Variants in DERA observed in about 807,000 individuals in gnomAD.
The protein encoded by DERA is 2-deoxy-D-ribose 5-phosphate aldolase.
In DERA, 15 loss-of-function variants were observed where a neutral mutation model predicts 41.1. That is an observed-to-expected ratio of 0.37 (90% CI 0.24 to 0.56). DERA has a LOEUF of 0.56. DERA is among the 20% of genes least tolerant of loss of function. The pLI, the probability that DERA is intolerant of heterozygous loss-of-function variation, is 0.81. For synonymous variants in DERA, 139 were observed against 137.4 expected, an observed-to-expected ratio of 1.01 and a Z score of -0.08; for missense variants, 396 against 403.4, an observed-to-expected ratio of 0.98 and a Z score of 0.16.
Position 15,984,315 on chromosome 12 carries a change from C to T in DERA, c.637+1879C>T, listed in dbSNP as rs111961545. On this transcript the variant is annotated intron_variant, in intron 6 of 8. Transcript: ENST00000428559. This position sits in a 1 kb window ranked among gnomAD's most constrained non-coding sequence, Gnocchi z 4.5. ...ATACAAATGTGGTATTAGGTCATCA[C>T]GCTTTGGAAGCTGTGTCCCACCCTC... Among the ~76,000 whole-genome samples the T allele has an allele frequency of 2.8e-3, 429 of 152,254 alleles. 5 individuals are homozygous for T. Among genetic ancestry groups the T allele is most frequent in the African/African-American group, 9.7e-3 (405 of 41,548 alleles).
rs1472125409 is a variant in DERA at position 15,959,171 on chromosome 12, GTATT to G, written c.278-653_278-650del. Among the ~76,000 whole-genome samples the G allele has an allele frequency of 1.3e-5, 2 of 152,054 alleles. No homozygotes were observed. The highest frequency in any genetic ancestry group is 2.9e-5 in the Non-Finnish European group (2 of 68,004). Reference sequence around the variant, plus strand: ...TAAACAACTCTACGGCTTTTGAAAAGTATTTATTATGTTTATTTCGTGTTGGCCA... The same window carrying G: ...TAAACAACTCTACGGCTTTTGAAAAGTATTATGTTTATTTCGTGTTGGCCA... On this transcript the variant is annotated intron_variant, in intron 3 of 8. Coordinates refer to ENST00000428559, the MANE Select transcript of DERA (RefSeq NM_015954.4). This position sits in a 1 kb window ranked among gnomAD's most constrained non-coding sequence, Gnocchi z 4.5.
At chr12:15,955,943 T>C (rs1310280880) in intron 1 of DERA, among the ~76,000 whole-genome samples, 14 of 152,296 alleles carry the variant, frequency 9.2e-5, no homozygotes, top group Non-Finnish European at 1.2e-4. Flanking sequence ...TGGAGAGATA[T>C]AGAAGTGAGG....
At chr12:15,948,836 A>G (rs1948472628) in intron 1 of DERA, among the ~76,000 whole-genome samples, 2 of 151,844 alleles carry the variant, frequency 1.3e-5, no homozygotes, top group South Asian at 2.1e-4. Flanking sequence ...GGTTTCATCT[A>G]CCTTTGGTCT....
In DERA at chr12:15,962,927, T is replaced by A. The variant is rs1220764827; in HGVS notation, c.488T>A (p.Val163Glu). The A allele has an allele frequency of 6.2e-7, 1 of 1,605,944 alleles. No individual in the cohort carries two copies. Among genetic ancestry groups the A allele is most frequent in the Admixed American group, 1.7e-5 (1 of 59,034 alleles). Reference protein sequence around the residue: ...EIDVVINRSLVLTGQWEALYD... With the variant: ...EIDVVINRSLELTGQWEALYD... The stretch of plus-strand genomic sequence containing the variant: ...GACGTGGTAATTAACAGAAGCTTGG[T>A]GCTGACAGGCCAGTGGGAAGGTAGG... Residue 163 changes from valine to glutamate, a missense_variant, in exon 5 of 9, where the codon GTG (valine) becomes GAG (glutamate). By Grantham distance (121) the Val-to-Glu change is moderately radical. Coordinates refer to ENST00000428559, the MANE Select transcript of DERA (RefSeq NM_015954.4).
chr12:15,961,919 CT>C (rs1948591011), intron 4 of DERA, among the ~76,000 whole-genome samples: 2 of 151,948 alleles, frequency 1.3e-5, no homozygotes, highest in Admixed American at 6.6e-5. Context: ...AATTTTTATA[CT>C]TTTAGTAGAG....
intron 6 of DERA, among the ~76,000 whole-genome samples, chr12:16,007,169 T>A (rs1272455975): frequency 6.6e-6 from 1 of 150,628 alleles, no homozygotes; most frequent in Non-Finnish European, 1.5e-5. Flanking sequence ...TTTTTGGGGT[T>A]TTTTTGTTTT....
In DERA at chr12:15,989,261, C is replaced by T. The variant is rs1447859522; in HGVS notation, c.637+6825C>T. On this transcript the variant is annotated intron_variant, in intron 6 of 8. Coordinates refer to ENST00000428559, the MANE Select transcript of DERA (RefSeq NM_015954.4). This position sits in a 1 kb window ranked among gnomAD's most constrained non-coding sequence, Gnocchi z 5.2. ...GCCACGCCTCCCCCGCTGCAACTGG[C>T]ATCCCCACGGTGGCTGCTCCAGACA... Among the ~76,000 whole-genome samples, 4 of 152,252 alleles carry T rather than the reference C, an allele frequency of 2.6e-5. No homozygotes were observed. Among genetic ancestry groups the T allele is most frequent in the Non-Finnish European group, 5.9e-5 (4 of 68,044 alleles).
rs1310685851 is a variant in DERA, at chr12:16,035,793, C to T, written c.751-439C>T. Among the ~76,000 whole-genome samples the T allele has an allele frequency of 4.6e-5, 7 of 152,274 alleles. No individual in the cohort carries two copies. Among genetic ancestry groups the T allele is most frequent in the South Asian group, 4.1e-4 (2 of 4,820 alleles). On this transcript the variant is annotated intron_variant, in intron 7 of 8. Coordinates refer to ENST00000428559, the MANE Select transcript of DERA (RefSeq NM_015954.4). The surrounding 1 kb of genome is among the most constrained non-coding windows in gnomAD (Gnocchi z 4.1). ...ATTCTGTCCTTTGATTTTAAATGCACGTGTCTTTTGAACCTCAAGATGAAG... is the reference window on the plus strand; with the variant it reads ...ATTCTGTCCTTTGATTTTAAATGCATGTGTCTTTTGAACCTCAAGATGAAG...
rs1028946105 is a variant in DERA at position 16,026,706 on chromosome 12, T to C, written c.638-5836T>C. Among the ~76,000 whole-genome samples the C allele has an allele frequency of 3.3e-5, 5 of 151,922 alleles. No homozygotes were observed. Among genetic ancestry groups the C allele is most frequent in the African/African-American group, 1.2e-4 (5 of 41,428 alleles). On this transcript the variant is annotated intron_variant, in intron 6 of 8. Transcript: ENST00000428559. This position sits in a 1 kb window ranked among gnomAD's most constrained non-coding sequence, Gnocchi z 4.4. Reference sequence around the variant, plus strand: ...TCCAAAAGAAAGCACCAGCTCTAGATGGCTTCATTGGTGAATTCTGCCAAA... The same window carrying C: ...TCCAAAAGAAAGCACCAGCTCTAGACGGCTTCATTGGTGAATTCTGCCAAA...
chr12:15,956,908 T>G, intron 1 of DERA, 28 bp from the exon 2 acceptor site: 1 of 1,532,678 alleles, frequency 6.5e-7, no homozygotes, highest in South Asian at 1.1e-5. Context: ...ACTTTAGGTT[T>G]CAGAAAGTGT....
Position 15,998,421 on chromosome 12 carries a change from AG to A in DERA, c.637+15986del, listed in dbSNP as rs1948853669. On this transcript the variant is annotated intron_variant, in intron 6 of 8. Coordinates refer to ENST00000428559, the MANE Select transcript of DERA (RefSeq NM_015954.4). This position sits in a 1 kb window ranked among gnomAD's most constrained non-coding sequence, Gnocchi z 4.8. ...CAACCTCCGCCTTCCGGGTTCAAGC[AG>A]TTCTCCCGCCTCAGCCTCCCGAGTA... Among the ~76,000 whole-genome samples, 1 of 152,058 alleles carries A rather than the reference AG, an allele frequency of 6.6e-6. No individual in the cohort carries two copies. Among genetic ancestry groups the A allele is most frequent in the South Asian group, 2.1e-4 (1 of 4,822 alleles).
intron 1 of DERA, among the ~76,000 whole-genome samples, chr12:15,947,407 T>C (rs765585897): frequency 6.6e-6 from 1 of 152,208 alleles, no homozygotes; most frequent in African/African-American, 2.4e-5. Flanking sequence ...TGGGTGCATA[T>C]ATATTTAGGG....
chr12:15,925,770 G>A (rs1342640663), intron 1 of DERA, among the ~76,000 whole-genome samples: 1 of 148,006 alleles, frequency 6.8e-6, no homozygotes, highest in African/African-American at 2.5e-5. Context: ...GACCTTACAA[G>A]CATCAAAGCT....
rs1222198622 is a variant in DERA, at chr12:16,003,300, C to A, written c.637+20864C>A. On this transcript the variant is annotated intron_variant, in intron 6 of 8. Transcript: ENST00000428559. The surrounding 1 kb of genome is among the most constrained non-coding windows in gnomAD (Gnocchi z 4.8). Reference sequence around the variant, plus strand: ...CATATTGCAGTAGGAGCCTACCGTACTCCATTGCGACCTCATATTGACTAA... The same window carrying A: ...CATATTGCAGTAGGAGCCTACCGTAATCCATTGCGACCTCATATTGACTAA... Among the ~76,000 whole-genome samples the A allele has an allele frequency of 6.6e-6, 1 of 152,178 alleles. No homozygotes were observed. The highest frequency in any genetic ancestry group is 1.5e-5 in the Non-Finnish European group (1 of 68,034).
chr12:16,030,217 C>T (rs1434404475), intron 6 of DERA, among the ~76,000 whole-genome samples: 1 of 151,730 alleles, frequency 6.6e-6, no homozygotes, highest in Non-Finnish European at 1.5e-5. Context: ...CAGTTGTGAG[C>T]CACCACGTCC....
chr12:15,991,109 G>T (rs1003420008), intron 6 of DERA, among the ~76,000 whole-genome samples: 2 of 151,914 alleles, frequency 1.3e-5, no homozygotes, highest in Non-Finnish European at 2.9e-5. Flanking sequence ...CCACAACCTC[G>T]CCAGCATTTG....
chr12:15,968,182 G>T (rs1468412880), intron 5 of DERA, among the ~76,000 whole-genome samples: 3 of 151,298 alleles, frequency 2.0e-5, no homozygotes, highest in East Asian at 1.9e-4. Flanking sequence ...AACAATGTAC[G>T]TAAATTCATA....
chr12:15,950,545 T>C (rs1321582644), intron 1 of DERA, among the ~76,000 whole-genome samples: 1 of 152,230 alleles, frequency 6.6e-6, no homozygotes, highest in Non-Finnish European at 1.5e-5. Context: ...CATCTGGGAA[T>C]GCAGCCCAGT....
intron 1 of DERA, among the ~76,000 whole-genome samples, chr12:15,926,877 C>G (rs1244475826): frequency 1.3e-5 from 2 of 152,180 alleles, no homozygotes; most frequent in Non-Finnish European, 2.9e-5. Flanking sequence ...TTAGGGCACC[C>G]GTTATATGTA....
Sources: gnomAD v4.1 joint callset for allele counts (sites outside exome capture counted in the v4.1 genomes callset) on GRCh38, gnomAD v4.1.1 for gene constraint, Gnocchi (gnomAD v3.1) non-coding constraint, MANE v1.5 for transcripts, NCBI Gene and HGNC (gene_info 2026-07-23, HGNC 2026-07-21) for gene names.